Variants in RASGRF2 observed in about 807,000 individuals in gnomAD.
The protein encoded by RASGRF2 is ras-specific guanine nucleotide-releasing factor 2.
A neutral mutation model predicts 151.0 loss-of-function variants in RASGRF2; 76 were observed. The ratio of observed to expected loss-of-function variants is 0.50; its 90% CI spans 0.42 to 0.61. The LOEUF is 0.61. Among genes scored for constraint, RASGRF2 ranks in the 20% least tolerant of loss-of-function variants. The pLI, the probability that RASGRF2 is intolerant of heterozygous loss-of-function variation, is 0.00. For synonymous variants in RASGRF2, 504 were observed against 566.5 expected (o/e 0.89, Z 1.57); for missense variants, 1,148 against 1,564.6 (o/e 0.73, Z 4.49).
rs369468307 is a variant in RASGRF2 at position 81,090,932 on chromosome 5, C to T, written c.1391-1869C>T. 3.9e-5 allele frequency among the ~76,000 whole-genome samples: 6 copies of T among 152,234 alleles called. 1 individual carries two copies. The highest frequency in any genetic ancestry group is 1.4e-4 in the African/African-American group (6 of 41,554). On this transcript the variant is annotated intron_variant, in intron 9 of 26. Transcript: ENST00000265080. ...AATGACTCCCAGAGCTATTTGTCCA[C>T]CAAGATTATTTGTCCAAGCCTCAGT...
At chr5:81,105,712 G>C (rs777976923) in intron 12 of RASGRF2, among the ~76,000 whole-genome samples, 1 of 152,166 alleles carries the variant, frequency 6.6e-6, no homozygotes, top group Non-Finnish European at 1.5e-5. Context: ...AGAAGTCTAA[G>C]GAGTAGCTAG....
chr5:81,098,564 T>C (rs1752610392), intron 12 of RASGRF2, among the ~76,000 whole-genome samples: 1 of 152,160 alleles, frequency 6.6e-6, no homozygotes, highest in Non-Finnish European at 1.5e-5. Flanking sequence ...GAGGACATGG[T>C]GTCTTAGCAG....
chr5:81,154,264 G>T (rs528199740), intron 17 of RASGRF2, among the ~76,000 whole-genome samples: 1 of 152,224 alleles, frequency 6.6e-6, no homozygotes, highest in African/African-American at 2.4e-5. Context: ...TACATTTGGG[G>T]TTTTTTTAGA....
chr5:81,003,427 G>GTT lies in RASGRF2; in HGVS notation c.289-39449_289-39448dup, dbSNP rs1749155697. 3.3e-5 allele frequency among the ~76,000 whole-genome samples: 5 copies of GTT among 152,192 alleles called. No individual in the cohort carries two copies. In the South Asian group the frequency reaches 8.3e-4, roughly 25 times the overall value. Reference sequence around the variant, plus strand: ...TTTAGTAGAGACAGGGTTTCACCAGGTTAGCCAGGATGGTCTCGATCTACT... The same window carrying GTT: ...TTTAGTAGAGACAGGGTTTCACCAGGTTTTAGCCAGGATGGTCTCGATCTACT... On this transcript the variant is annotated intron_variant, in intron 1 of 26. Transcript: ENST00000265080.
intron 1 of RASGRF2, among the ~76,000 whole-genome samples, chr5:80,970,275 T>C (rs1023301495): frequency 6.6e-6 from 1 of 152,206 alleles, no homozygotes; most frequent in Non-Finnish European, 1.5e-5. Flanking sequence ...TTTTCTAGTA[T>C]TGTTAAACTT....
chr5:81,099,873 G>T (rs1390395665), intron 12 of RASGRF2, among the ~76,000 whole-genome samples: 3 of 147,292 alleles, frequency 2.0e-5, no homozygotes, highest in Non-Finnish European at 4.5e-5. Flanking sequence ...CCATTATTTT[G>T]TCGTTTTAAT....
intron 17 of RASGRF2, among the ~76,000 whole-genome samples, chr5:81,130,777 G>A (rs961366965): frequency 6.6e-5 from 10 of 152,136 alleles, no homozygotes; most frequent in Middle Eastern, 3.4e-3. Context: ...AGATTGCATA[G>A]ACAAATAAAC....
chr5:81,019,987 C>T (rs2112334348), intron 1 of RASGRF2, among the ~76,000 whole-genome samples: 1 of 152,284 alleles, frequency 6.6e-6, no homozygotes, highest in South Asian at 2.1e-4. Flanking sequence ...TTTAAGTGAG[C>T]TTGTGTTCTC....
intron 5 of RASGRF2, among the ~76,000 whole-genome samples, chr5:81,074,850 G>A (rs1580283847): frequency 6.6e-6 from 1 of 152,172 alleles, no homozygotes; most frequent in African/African-American, 2.4e-5. Context: ...AGGGGACATG[G>A]GGCTTTCACG....
chr5:81,196,786 G>C (rs1755275953), intron 18 of RASGRF2, among the ~76,000 whole-genome samples: 1 of 152,154 alleles, frequency 6.6e-6, no homozygotes, highest in South Asian at 2.1e-4. Flanking sequence ...TTAGAGACCT[G>C]ACATAGCTAC....
intron 14 of RASGRF2, 110 bp downstream of exon 14, chr5:81,112,968 T>G (rs1753042370): frequency 1.4e-6 from 2 of 1,395,292 alleles, no homozygotes; most frequent in Non-Finnish European, 1.9e-6. Context: ...TAGGGTGTAC[T>G]AGCTTGCCTC....
At chr5:81,110,697 G>T (rs1024392345) in intron 13 of RASGRF2, among the ~76,000 whole-genome samples, 12 of 152,198 alleles carry the variant, frequency 7.9e-5, no homozygotes, top group Middle Eastern at 3.4e-3. Context: ...AGATTTTTTG[G>T]TGGAAAATGA....
chr5:81,117,463 A>T (rs552431748), intron 15 of RASGRF2, among the ~76,000 whole-genome samples: 2 of 152,258 alleles, frequency 1.3e-5, no homozygotes, highest in South Asian at 4.1e-4. Flanking sequence ...AATGGCATTA[A>T]TCCATTTATG....
intron 17 of RASGRF2, among the ~76,000 whole-genome samples, chr5:81,171,426 C>T (rs1580377922): frequency 1.3e-5 from 2 of 152,136 alleles, no homozygotes; most frequent in South Asian, 4.1e-4. Flanking sequence ...GTAACTAATG[C>T]CCCATCAAGG....
At chr5:81,080,336 T>G in intron 6 of RASGRF2, 136 bp downstream of exon 6, 2 of 1,463,736 alleles carry the variant, frequency 1.4e-6, no homozygotes, top group East Asian at 4.8e-5. Context: ...CGGGACCCTG[T>G]CTCCTTGCCT....
intron 19 of RASGRF2, 83 bp downstream of exon 19, chr5:81,201,525 G>C: frequency 1.4e-6 from 2 of 1,411,852 alleles, no homozygotes; most frequent in Non-Finnish European, 1.9e-6. Context: ...ATAAATCTTA[G>C]AATCCTGGGG....
intron 1 of RASGRF2, among the ~76,000 whole-genome samples, chr5:80,978,810 G>GA (rs918177111): frequency 4.6e-5 from 7 of 151,684 alleles, no homozygotes; most frequent in African/African-American, 1.7e-4. Flanking sequence ...AAAAAGGGGG[G>GA]GAAACAAAAC....
intron 17 of RASGRF2, among the ~76,000 whole-genome samples, chr5:81,161,334 A>G (rs548620321): frequency 6.6e-6 from 1 of 152,318 alleles, no homozygotes; most frequent in East Asian, 1.9e-4. Context: ...GCTGCAAATT[A>G]TCTTGCTGGT....
Position 81,092,926 on chromosome 5 carries a change from A to T in RASGRF2, c.1516A>T (p.Thr506Ser). The stretch of plus-strand genomic sequence containing the variant: ...ATTTACAAAACACTTTTTAATATGT[A>T]CAAGAAGTTCAGGAGGGAAGCTTCA... ...FLFTKHFLIC[T>S]RSSGGKLHLL... Residue 506 changes from threonine to serine, a missense_variant, in exon 10 of 27, where the codon ACA becomes TCA. Thr to Ser is a moderately conservative substitution (Grantham distance 58). This residue lies in a region of RASGRF2 where 646 missense variants were observed against 807.4 expected (regional missense o/e 0.80). Coordinates refer to ENST00000265080, the MANE Select transcript of RASGRF2 (RefSeq NM_006909.3). The T allele has an allele frequency of 6.2e-7, 1 of 1,613,140 alleles. No individual in the cohort carries two copies. Among genetic ancestry groups the T allele is most frequent in the Non-Finnish European group, 8.5e-7 (1 of 1,179,216 alleles).
Sources: allele counts gnomAD v4.1 joint callset (sites outside exome capture counted in the v4.1 genomes callset), GRCh38; gene constraint gnomAD v4.1.1; regional missense constraint gnomAD v4.1.1; transcripts MANE v1.5; gene names NCBI Gene and HGNC (gene_info 2026-07-23, HGNC 2026-07-21).